EPHX2: variants seen among roughly 807,000 people sequenced by gnomAD.
The protein encoded by EPHX2 is bifunctional epoxide hydrolase 2.
In EPHX2, 74 loss-of-function variants were observed where a neutral mutation model predicts 78.7. The observed-to-expected ratio is 0.94, with a 90% CI of 0.78 to 1.14. The LOEUF is 1.14. EPHX2 is among the 50% of genes most tolerant of loss of function. EPHX2 has a pLI of 0.00. For synonymous variants in EPHX2, 251 were observed against 255.2 expected (o/e 0.98, Z 0.16); for missense variants, 715 against 702.5 (o/e 1.02, Z -0.20).
rs1199474359 is a variant in EPHX2 at position 27,543,766 on chromosome 8, G to A, written c.1467G>A (p.Leu489=). The A allele has an allele frequency of 1.9e-6, 3 of 1,614,072 alleles. No individual in the cohort carries two copies. The highest frequency in any genetic ancestry group is 2.5e-6 in the Non-Finnish European group (3 of 1,180,006). The part of the protein sequence containing the change: ...SLGRKILIPA[L]MVTAEKDFVL... ...CCCCCCAGATCCTGATTCCGGCCCT[G>A]ATGGTCACGGCGGAGAAGGACTTCG... Residue 489 remains leucine (L), a synonymous_variant, in exon 17 of 19, where the codon CTG becomes CTA. Coordinates refer to ENST00000521400, the MANE Select transcript of EPHX2 (RefSeq NM_001979.6).
chr8:27,511,982 C>A lies in EPHX2; in HGVS notation c.735+72C>A, dbSNP rs1416876905. 2.5e-5 allele frequency: 37 copies of A among 1,458,088 alleles called. No homozygotes were observed. The South Asian group carries it at 3.4e-4, about 13-fold the overall frequency. The allele number at this position is 1,458,088 out of a possible 1,614,324, so 90.3% of individuals were successfully genotyped here. On this transcript the variant is annotated intron_variant, in intron 6 of 18. Transcript: ENST00000521400. The stretch of plus-strand genomic sequence containing the variant: ...TCACCTAAAACGACCAGCAGAGACA[C>A]CCAAGAGGCTGAGCTGTGAGGATCA...
chr8:27,544,087 C>T (rs72478908), intron 17 of EPHX2, 99 bp from the exon 18 acceptor site: 6 of 1,401,302 alleles, frequency 4.3e-6, no homozygotes, highest in Non-Finnish European at 6.0e-6. Flanking sequence ...GGGTGGCCTG[C>T]GGGGAGCAGA....
chr8:27,517,381 C>T (rs73556191), intron 8 of EPHX2, among the ~76,000 whole-genome samples: 1 of 152,168 alleles, frequency 6.6e-6, no homozygotes, highest in East Asian at 1.9e-4. Flanking sequence ...AAAATAGAGA[C>T]AGCAATTCTA....
Position 27,544,806 on chromosome 8 carries a change from AG to A in EPHX2, c.*286del, listed in dbSNP as rs1815535079. The A allele has an allele frequency of 2.4e-6, 1 of 420,372 alleles. No homozygotes were observed. Among genetic ancestry groups the A allele is most frequent in the Non-Finnish European group, 4.2e-6 (1 of 235,546 alleles). The allele number at this position is 420,372 out of a possible 1,614,324, so 26.0% of individuals were successfully genotyped here. The stretch of plus-strand genomic sequence containing the variant: ...TGTAGGGGGACAGAATGGGGTGGCC[AG>A]GTGGTGATTTCTCTTTGACCAATGC... On this transcript the variant is annotated 3_prime_UTR_variant, in exon 19 of 19. Coordinates refer to ENST00000521400, the MANE Select transcript of EPHX2 (RefSeq NM_001979.6).
chr8:27,522,962 CAAAAAAAAAAAAAA>C (rs539360462), intron 11 of EPHX2, among the ~76,000 whole-genome samples: 10 of 62,664 alleles, frequency 1.6e-4, no homozygotes, highest in Middle Eastern at 9.8e-3. Context: ...ACTCCGTTTC[CAAAAAAAAAAAAAA>C]AAAAAAAAAA....
chr8:27,499,638 G>T (rs900157592), intron 1 of EPHX2, among the ~76,000 whole-genome samples: 3 of 152,200 alleles, frequency 2.0e-5, no homozygotes, highest in Non-Finnish European at 4.4e-5. Context: ...CTGAGTAATA[G>T]AACAAATGCA....
intron 8 of EPHX2, among the ~76,000 whole-genome samples, chr8:27,516,671 T>G (rs1563350114): frequency 1.3e-5 from 2 of 152,190 alleles, no homozygotes; most frequent in Admixed American, 6.5e-5. Flanking sequence ...GGACATAGAA[T>G]GTACCATCCA....
intron 6 of EPHX2, among the ~76,000 whole-genome samples, chr8:27,512,412 A>G (rs1391051601): frequency 6.6e-6 from 1 of 152,234 alleles, no homozygotes; most frequent in Non-Finnish European, 1.5e-5. Context: ...CACAGGCCAG[A>G]TACAAGGGGT....
intron 12 of EPHX2, among the ~76,000 whole-genome samples, chr8:27,530,857 G>A (rs1199039527): frequency 2.7e-5 from 4 of 149,428 alleles, no homozygotes; most frequent in African/African-American, 9.8e-5. Context: ...TCCATCTCCC[G>A]GGTTCAAGTG....
At chr8:27,530,856 C>T (rs566007113) in intron 12 of EPHX2, among the ~76,000 whole-genome samples, 21 of 151,512 alleles carry the variant, frequency 1.4e-4, no homozygotes, top group Non-Finnish European at 2.8e-4. Flanking sequence ...CTCCATCTCC[C>T]GGGTTCAAGT....
intron 12 of EPHX2, among the ~76,000 whole-genome samples, chr8:27,526,478 A>G (rs150776948): frequency 8.3e-4 from 127 of 152,160 alleles, no homozygotes; most frequent in Middle Eastern, 6.8e-3. Flanking sequence ...TGAAAGCACA[A>G]TGTCCTTCAT....
intron 12 of EPHX2, among the ~76,000 whole-genome samples, chr8:27,530,670 T>A (rs1815006418): frequency 6.6e-6 from 1 of 152,188 alleles, no homozygotes; most frequent in African/African-American, 2.4e-5. Flanking sequence ...ATTTTGATTA[T>A]TTTTCACAGC....
chr8:27,531,538 A>C lies in EPHX2; in HGVS notation c.1171-5246A>C, dbSNP rs375006082. The stretch of plus-strand genomic sequence containing the variant: ...TTGGAGAACACTGGCGCAGACTTCC[A>C]GAGGAATTGGAGTCATTTTTGTCAA... On this transcript the variant is annotated intron_variant, in intron 12 of 18. Transcript: ENST00000521400. Among the ~76,000 whole-genome samples the C allele has an allele frequency of 6.2e-4, 95 of 152,320 alleles. 3 individuals carry two copies. In the East Asian group the frequency reaches 0.011, roughly 18 times the overall value.
In EPHX2 at chr8:27,511,879, G is replaced by A. The variant is rs537787758; in HGVS notation, c.704G>A (p.Ser235Asn). The change falls in exon 6 of 19, where the codon AGT becomes AAT. Residue 235 changes from serine (S) to asparagine (N), a missense_variant. By Grantham distance (46) the Ser-to-Asn change is conservative (BLOSUM62 1). Transcript: ENST00000521400. ...PAPLPTSCNP[S>N]DMSHGYVTVK... is the part of the protein sequence containing the mutation. ...CCTCTGCCGACCTCTTGCAATCCAA[G>A]TGACATGAGCCATGGGTACGTGACA... 2 of 1,614,122 alleles carry A rather than the reference G, an allele frequency of 1.2e-6. No homozygotes were observed. Among genetic ancestry groups the A allele is most frequent in the Admixed American group, 3.3e-5 (2 of 60,020 alleles).
At chr8:27,530,931 T>G (rs898045384) in intron 12 of EPHX2, among the ~76,000 whole-genome samples, 8 of 151,984 alleles carry the variant, frequency 5.3e-5, no homozygotes, top group Non-Finnish European at 1.2e-4. Context: ...GCACGGCTAA[T>G]TTTGCATTTT....
At chr8:27,515,891 C>T (rs1176269906) in intron 7 of EPHX2, 78 bp downstream of exon 7, 18 of 1,262,666 alleles carry the variant, frequency 1.4e-5, no homozygotes, top group Middle Eastern at 1.8e-4. Context: ...CGTGGACTGT[C>T]GTGAGGAAGC....
intron 3 of EPHX2, 80 bp from the exon 4 acceptor site, chr8:27,504,876 T>C (rs1813936459): frequency 3.4e-6 from 5 of 1,459,608 alleles, no homozygotes; most frequent in African/African-American, 1.4e-5. Flanking sequence ...TGGCCCATCA[T>C]TGGAGTCCCT....
rs1813355171 is a variant in EPHX2, at chr8:27,491,147, T to G, written c.-62T>G. ...GCCAAGCTGGGCGGGTCATGCGCCC[T>G]GGCCTTCGCGCATCTCCCAGGTTAG... is the stretch of plus-strand genomic sequence containing the variant. On this transcript the variant is annotated 5_prime_UTR_variant, in exon 1 of 19. Transcript: ENST00000521400. 2 of 1,485,710 alleles carry G rather than the reference T, an allele frequency of 1.3e-6. No individual in the cohort carries two copies. Among genetic ancestry groups the G allele is most frequent in the South Asian group, 1.2e-5 (1 of 80,994 alleles). The allele number at this position is 1,485,710 out of a possible 1,614,324, so 92.0% of individuals were successfully genotyped here. A position where few individuals can be genotyped will look rare whatever the true frequency, so the allele number is the denominator to read the frequency against.
chr8:27,535,502 C>T (rs959067805), intron 12 of EPHX2, among the ~76,000 whole-genome samples: 1 of 152,120 alleles, frequency 6.6e-6, no homozygotes, highest in African/African-American at 2.4e-5. Context: ...GAGTGGTTGC[C>T]CCTAGTGGAT....
Sources: gnomAD v4.1 joint callset for allele counts (sites outside exome capture counted in the v4.1 genomes callset) on GRCh38, gnomAD v4.1.1 for gene constraint, MANE v1.5 for transcripts, NCBI Gene and HGNC (gene_info 2026-07-23, HGNC 2026-07-21) for gene names.